Variants in BTBD7 observed in about 807,000 individuals in gnomAD.
The protein encoded by BTBD7 is BTB/POZ domain-containing protein 7.
A neutral mutation model predicts 99.9 loss-of-function variants in BTBD7; 38 were observed. The ratio of observed to expected loss-of-function variants is 0.38; its 90% CI spans 0.29 to 0.50. The LOEUF (loss-of-function observed/expected upper bound fraction) is 0.50, where lower values mean the gene tolerates loss of function less well. BTBD7 is among the 20% of genes least tolerant of loss of function. BTBD7 has a pLI of 0.93. For synonymous variants in BTBD7, 520 were observed against 511.4 expected, an observed-to-expected ratio of 1.02 and a Z score of -0.23; for missense variants, 1,170 against 1,394.6, an observed-to-expected ratio of 0.84 and a Z score of 2.57.
At chr14:93,278,754 A>G (rs1004673651) in intron 3 of BTBD7, among the ~76,000 whole-genome samples, 1 of 152,210 alleles carries the variant, frequency 6.6e-6, no homozygotes, top group African/African-American at 2.4e-5. Flanking sequence ...TATGTGGTAC[A>G]TGACTATTTA....
intron 1 of BTBD7, among the ~76,000 whole-genome samples, chr14:93,332,568 C>G (rs2053455075): frequency 1.3e-5 from 2 of 151,502 alleles, no homozygotes; most frequent in African/African-American, 2.4e-5. Flanking sequence ...GCGCCCCTGC[C>G]CCAGGGACGG....
At chr14:93,280,321 C>T (rs11628518) in intron 3 of BTBD7, among the ~76,000 whole-genome samples, 25,476 of 152,174 alleles carry the variant, frequency 0.17, 2,360 homozygotes, top group East Asian at 0.31. Flanking sequence ...AAATTCAGCA[C>T]TGTTCTTTAA....
rs531671742 is a variant in BTBD7, at chr14:93,282,192, A to C, written c.1162+11666T>G. Among the ~76,000 whole-genome samples the C allele has an allele frequency of 5.3e-5, 8 of 152,352 alleles. No homozygotes were observed. The East Asian group carries it at 1.5e-3, about 29-fold the overall frequency. On this transcript the variant is annotated intron_variant, in intron 3 of 10. Coordinates refer to ENST00000334746, the MANE Select transcript of BTBD7 (RefSeq NM_001002860.4). ...ATCTTAGTGCAGTGTTTTCACAGTA[A>C]CAGCTAAGTAATATCATTATCAATC...
In BTBD7 at chr14:93,313,648, T is replaced by A. The variant is rs373267953; in HGVS notation, c.-106-17491A>T. Among the ~76,000 whole-genome samples the A allele has an allele frequency of 5.3e-5, 8 of 151,808 alleles. No homozygotes were observed. The East Asian group carries it at 1.5e-3, about 29-fold the overall frequency. On this transcript the variant is annotated intron_variant, in intron 1 of 10. Coordinates refer to ENST00000334746, the MANE Select transcript of BTBD7 (RefSeq NM_001002860.4). ...TCTGAGTCTAGTGAAGAGGAAAGTA[T>A]CTGAATTTTTGACTTATCCTAAAAT...
chr14:93,284,808 A>T (rs1234324065), intron 3 of BTBD7, among the ~76,000 whole-genome samples: 2 of 152,172 alleles, frequency 1.3e-5, no homozygotes, highest in Non-Finnish European at 2.9e-5. Context: ...TTAGGGTAGA[A>T]TTTGGACATT....
rs576651476 is a variant in BTBD7, at chr14:93,241,759, G to C, written c.*514C>G. 6.5e-6 allele frequency: 1 copy of C among 154,132 alleles called. No homozygotes were observed. The allele number at this position is 154,132 out of a possible 1,614,324, so 9.5% of individuals were successfully genotyped here. A position where few individuals can be genotyped will look rare whatever the true frequency, so the allele number is the denominator to read the frequency against. On this transcript the variant is annotated 3_prime_UTR_variant, in exon 11 of 11. Coordinates refer to ENST00000334746, the MANE Select transcript of BTBD7 (RefSeq NM_001002860.4). ...AACTAAAACAATTACTGAAAAGAGA[G>C]GAGCATTCTGATGTGCTGTTCTTTG... is the stretch of plus-strand genomic sequence containing the variant.
Position 93,294,826 on chromosome 14 carries a change from G to A in BTBD7, c.194C>T (p.Thr65Ile). 6.2e-7 allele frequency: 1 copy of A among 1,613,976 alleles called. No individual in the cohort carries two copies. The highest frequency in any genetic ancestry group is 8.5e-7 in the Non-Finnish European group (1 of 1,179,998). The stretch of plus-strand genomic sequence containing the variant: ...ACGCTTAATAAACTTCTTTTTGAGG[G>A]TGGCAAGACCAGAGGTTCTCTTTTT... ...DKKKRTSGLA[T>I]LKKKFIKRRK... The change falls in exon 3 of 11, where the codon ACC (threonine) becomes ATC (isoleucine). Residue 65 changes from threonine (T) to isoleucine (I), a missense_variant. Transcript: ENST00000334746.
chr14:93,315,604 T>C (rs931671147), intron 1 of BTBD7, among the ~76,000 whole-genome samples: 11 of 152,250 alleles, frequency 7.2e-5, no homozygotes, highest in African/African-American at 2.7e-4. Context: ...ACTACTAATC[T>C]AATTTCTACC....
chr14:93,324,425 A>AAAAAAAATAAAAAAT (rs1555393942), intron 1 of BTBD7, among the ~76,000 whole-genome samples: 5 of 151,526 alleles, frequency 3.3e-5, no homozygotes, highest in African/African-American at 1.2e-4. Context: ...CTGTCTCAAA[A>AAAAAAAATAAAAAAT]AAAAAAAAAA....
In BTBD7 at chr14:93,301,315, C is replaced by T. The variant is rs1375934477; in HGVS notation, c.-106-5158G>A. The stretch of plus-strand genomic sequence containing the variant: ...CAAGCGATTCTCCTGCCTCAGCCTC[C>T]TGAGTAGCTGGGATTACAGGCATGC... On this transcript the variant is annotated intron_variant, in intron 1 of 10. Transcript: ENST00000334746. Among the ~76,000 whole-genome samples, 4 of 152,114 alleles carry T rather than the reference C, an allele frequency of 2.6e-5. No individual in the cohort carries two copies. The East Asian group carries it at 7.8e-4, about 30-fold the overall frequency.
chr14:93,257,120 T>C, intron 6 of BTBD7, 75 bp downstream of exon 6: 1 of 1,453,438 alleles, frequency 6.9e-7, no homozygotes, highest in Non-Finnish European at 9.5e-7. Context: ...GTAGCAGAAA[T>C]TATTTACAAT....
At chr14:93,321,932 C>T (rs2053275150) in intron 1 of BTBD7, among the ~76,000 whole-genome samples, 1 of 151,998 alleles carries the variant, frequency 6.6e-6, no homozygotes, top group Non-Finnish European at 1.5e-5. Flanking sequence ...AATAATGCTC[C>T]AAACAGCAGT....
chr14:93,288,047 T>C (rs996214080), intron 3 of BTBD7: 3 of 161,224 alleles, frequency 1.9e-5, no homozygotes, highest in Non-Finnish European at 4.0e-5. Flanking sequence ...TGTATTGTGG[T>C]ATTCAGTTGT....
At chr14:93,290,232 A>C (rs1196277112) in intron 3 of BTBD7, among the ~76,000 whole-genome samples, 1 of 142,762 alleles carries the variant, frequency 7.0e-6, no homozygotes, top group African/African-American at 2.7e-5. Flanking sequence ...TTTTTTTTTG[A>C]GACGCAGTCT....
rs79912934 is a variant in BTBD7, at chr14:93,241,089, C to T, written c.*1184G>A. The T allele has an allele frequency of 0.017, 2,657 of 152,000 alleles. 40 individuals are homozygous for T. Among genetic ancestry groups the T allele is most frequent in the Middle Eastern group, 0.027 (8 of 292 alleles). 9.4% of individuals were successfully genotyped at this position (152,000 alleles called of 1,614,324 possible). On this transcript the variant is annotated 3_prime_UTR_variant, in exon 11 of 11. Transcript: ENST00000334746. ...TCCGCCATCACAGCTGGAGAGTTGA[C>T]GCTCAGAACCAGAAATTCTGTCAGT...
At chr14:93,281,741 A>C (rs2052722434) in intron 3 of BTBD7, among the ~76,000 whole-genome samples, 1 of 152,188 alleles carries the variant, frequency 6.6e-6, no homozygotes, top group Non-Finnish European at 1.5e-5. Context: ...AAACCATCAA[A>C]CTGGCCACAG....
rs144877984 is a variant in BTBD7, at chr14:93,285,043, G to A, written c.1162+8815C>T. Among the ~76,000 whole-genome samples the A allele has an allele frequency of 1.1e-3, 168 of 152,258 alleles. 3 individuals are homozygous for A. The East Asian group carries it at 0.023, about 21-fold the overall frequency. ...AAACCTGCATTTACTACTCTGATCT[G>A]TTGATAATGGTCTTTAGCTTGGCCC... On this transcript the variant is annotated intron_variant, in intron 3 of 10. Coordinates refer to ENST00000334746, the MANE Select transcript of BTBD7 (RefSeq NM_001002860.4).
chr14:93,303,881 CTTAT>C (rs1460357345), intron 1 of BTBD7, among the ~76,000 whole-genome samples: 2 of 152,246 alleles, frequency 1.3e-5, no homozygotes, highest in Admixed American at 6.5e-5. Context: ...ATGGGAGTCG[CTTAT>C]TCCTCTTATC....
At chr14:93,310,508 G>A (rs1336511471) in intron 1 of BTBD7, among the ~76,000 whole-genome samples, 1 of 152,058 alleles carries the variant, frequency 6.6e-6, no homozygotes, top group Non-Finnish European at 1.5e-5. Flanking sequence ...GTTTAATAAT[G>A]TGCTTCTGAC....
Sources: gnomAD v4.1 joint callset for allele counts (sites outside exome capture counted in the v4.1 genomes callset) on GRCh38, gnomAD v4.1.1 for gene constraint, MANE v1.5 for transcripts, NCBI Gene and HGNC (gene_info 2026-07-23, HGNC 2026-07-21) for gene names.